FARP1: variants seen among roughly 807,000 people sequenced by gnomAD.
FARP1 encodes the protein FERM, ARH/RhoGEF and pleckstrin domain protein 1, also known as FERM, ARHGEF and pleckstrin domain-containing protein 1.
In FARP1, 52 loss-of-function variants were observed where a neutral mutation model predicts 128.8. The ratio of observed to expected loss-of-function variants is 0.40; its 90% CI spans 0.32 to 0.51. FARP1 has a LOEUF of 0.51. FARP1 is among the 20% of genes least tolerant of loss of function. The pLI is 0.45. For synonymous variants in FARP1, 580 were observed against 551.8 expected, an observed-to-expected ratio of 1.05 and a Z score of -0.72; for missense variants, 1,333 against 1,367.9, an observed-to-expected ratio of 0.97 and a Z score of 0.40.
chr13:98,362,478 A>G (rs895693326), intron 3 of FARP1, among the ~76,000 whole-genome samples: 18 of 152,182 alleles, frequency 1.2e-4, no homozygotes, highest in Non-Finnish European at 1.3e-4. Flanking sequence ...CTTTGCGGAC[A>G]CTGTCATCCC....
intron 13 of FARP1, chr13:98,402,348 A>G (rs1247352462): frequency 6.6e-6 from 1 of 152,478 alleles, no homozygotes; most frequent in Non-Finnish European, 1.5e-5. Flanking sequence ...GATTGACTCC[A>G]CTTTTGAGTG....
In FARP1 at chr13:98,267,358, G is replaced by A. The variant is rs541778277; in HGVS notation, c.171+53945G>A. On this transcript the variant is annotated intron_variant, in intron 2 of 26. Transcript: ENST00000319562. Reference sequence around the variant, plus strand: ...GGATGTGGAAAGGGCCGGTTGTGTCGGCCGAGCCCATTTTCCCTTCGGTGG... The same window carrying A: ...GGATGTGGAAAGGGCCGGTTGTGTCAGCCGAGCCCATTTTCCCTTCGGTGG... Among the ~76,000 whole-genome samples, 37 of 152,228 alleles carry A rather than the reference G, an allele frequency of 2.4e-4. 2 individuals are homozygous for A. In the South Asian group the frequency reaches 6.2e-3, roughly 26 times the overall value.
chr13:98,389,835 G>A (rs1009154822), intron 9 of FARP1, 122 bp from the exon 10 acceptor site: 142 of 886,224 alleles, frequency 1.6e-4, no homozygotes, highest in Non-Finnish European at 2.3e-4. Flanking sequence ...TGATGGTCAT[G>A]CTATAATAAA....
chr13:98,186,036 G>A (rs867428285), intron 1 of FARP1, among the ~76,000 whole-genome samples: 4 of 152,104 alleles, frequency 2.6e-5, no homozygotes, highest in African/African-American at 4.8e-5. Flanking sequence ...ATGCAGCACA[G>A]TGGTATTCAG....
intron 2 of FARP1, among the ~76,000 whole-genome samples, chr13:98,330,530 G>A (rs953618791): frequency 5.9e-5 from 9 of 152,072 alleles, no homozygotes; most frequent in Admixed American, 3.3e-4. Context: ...CGAGGCAGGT[G>A]GATCACCTGA....
chr13:98,371,217 C>T (rs1416993795), intron 5 of FARP1, among the ~76,000 whole-genome samples: 4 of 89,744 alleles, frequency 4.5e-5, no homozygotes, highest in Non-Finnish European at 1.0e-4. Flanking sequence ...CCCCGCCCCC[C>T]GTTTTTTTTT....
rs575920246 is a variant in FARP1 at position 98,176,528 on chromosome 13, T to G, written c.-24+33036T>G. ...ACTTCATGGTTTTCGTCCTCGCAGA[T>G]ACAGTAGCGACCCTCTTCAAGCTCC... is the stretch of plus-strand genomic sequence containing the variant. On this transcript the variant is annotated intron_variant, in intron 1 of 26. Transcript: ENST00000319562. This position sits in a 1 kb window ranked among gnomAD's most constrained non-coding sequence, Gnocchi z 6.2. The G allele has an allele frequency of 6.2e-7, 1 of 1,614,204 alleles. No individual in the cohort carries two copies. The highest frequency in any genetic ancestry group is 1.3e-5 in the African/African-American group (1 of 75,058).
At chr13:98,177,510 G>A (rs1878176782) in intron 1 of FARP1, among the ~76,000 whole-genome samples, 1 of 152,012 alleles carries the variant, frequency 6.6e-6, no homozygotes, top group Non-Finnish European at 1.5e-5. Flanking sequence ...ACCTGGGTGT[G>A]GTGGCGTGCG....
intron 2 of FARP1, among the ~76,000 whole-genome samples, chr13:98,314,760 G>C (rs1594391397): frequency 6.6e-6 from 1 of 152,308 alleles, no homozygotes; most frequent in Middle Eastern, 3.4e-3. Context: ...TAGACCCCAC[G>C]AATAACCCAG....
intron 1 of FARP1, among the ~76,000 whole-genome samples, chr13:98,199,340 CT>C (rs1415738959): frequency 1.3e-5 from 2 of 152,148 alleles, no homozygotes; most frequent in Non-Finnish European, 2.9e-5. Context: ...GAACAGTCAT[CT>C]CTGAGTTACC....
intron 3 of FARP1, 66 bp downstream of exon 3, chr13:98,343,932 G>T: frequency 9.7e-7 from 1 of 1,032,586 alleles, no homozygotes. Context: ...GCTGGGCAGG[G>T]GCCAGTCTAA....
rs80144170 is a variant in FARP1, at chr13:98,251,287, A to G, written c.171+37874A>G. 3.8e-3 allele frequency among the ~76,000 whole-genome samples: 578 copies of G among 152,328 alleles called. 4 individuals carry two copies. Among genetic ancestry groups the G allele is most frequent in the African/African-American group, 0.013 (552 of 41,566 alleles). ...TAGACGGTGGCTAAGGCGGGGCCAC[A>G]GTTCATATCTTCTGCCTCCTTGTCT... On this transcript the variant is annotated intron_variant, in intron 2 of 26. Transcript: ENST00000319562.
At chr13:98,204,870 C>T (rs1270378359) in intron 1 of FARP1, among the ~76,000 whole-genome samples, 2 of 152,064 alleles carry the variant, frequency 1.3e-5, no homozygotes, top group Non-Finnish European at 2.9e-5. Flanking sequence ...ATCGCTTGAG[C>T]CCAGGAGCTC....
chr13:98,251,313 A>G (rs1883311088), intron 2 of FARP1, among the ~76,000 whole-genome samples: 1 of 152,210 alleles, frequency 6.6e-6, no homozygotes, highest in Non-Finnish European at 1.5e-5. Flanking sequence ...CTCCTTGTCT[A>G]GGATTCTAGG....
intron 2 of FARP1, among the ~76,000 whole-genome samples, chr13:98,310,481 C>T (rs896114337): frequency 6.6e-6 from 1 of 152,222 alleles, no homozygotes; most frequent in Non-Finnish European, 1.5e-5. Context: ...GAATTTGAAA[C>T]TAGGAATTTA....
chr13:98,206,316 G>A (rs1305897300), intron 1 of FARP1, among the ~76,000 whole-genome samples: 6 of 152,152 alleles, frequency 3.9e-5, no homozygotes, highest in East Asian at 1.9e-4. Context: ...TTGCCTCAGC[G>A]ACAGACTGCT....
chr13:98,292,395 G>T (rs192940256), intron 2 of FARP1, among the ~76,000 whole-genome samples: 1 of 152,190 alleles, frequency 6.6e-6, no homozygotes, highest in Admixed American at 6.5e-5. Context: ...ATGAAATGTT[G>T]GTGGGGGAAA....
intron 17 of FARP1, among the ~76,000 whole-genome samples, chr13:98,427,772 CT>C (rs1891843332): frequency 1.3e-5 from 2 of 152,318 alleles, no homozygotes; most frequent in East Asian, 3.9e-4. Flanking sequence ...CCAGCTTCCC[CT>C]GCTGTGCTGG....
Position 98,176,966 on chromosome 13 carries a change from C to G in FARP1, c.-24+33474C>G, listed in dbSNP as rs540055745. 1.2e-6 allele frequency: 2 copies of G among 1,600,756 alleles called. No individual in the cohort carries two copies. On this transcript the variant is annotated intron_variant, in intron 1 of 26. Transcript: ENST00000319562. This position sits in a 1 kb window ranked among gnomAD's most constrained non-coding sequence, Gnocchi z 6.2. ...GAGCGGGTGGACCTGTACACCACGT[C>G]GAGGCTCTCAGGCGCCGCCTCCTCG...
Sources: gnomAD v4.1 joint callset for allele counts (sites outside exome capture counted in the v4.1 genomes callset) on GRCh38, gnomAD v4.1.1 for gene constraint, Gnocchi (gnomAD v3.1) non-coding constraint, MANE v1.5 for transcripts, NCBI Gene and HGNC (gene_info 2026-07-23, HGNC 2026-07-21) for gene names.